Variants in ZNF138 observed in about 807,000 individuals in gnomAD.
ZNF138 encodes zinc finger protein 138 (clone pHZ-32).
ZNF138 carries 33 observed loss-of-function variants against 33.0 expected under a neutral mutation model. The observed-to-expected ratio is 1.00, with a 90% CI of 0.76 to 1.34. The LOEUF is 1.34. ZNF138 is among the 40% of genes most tolerant of loss of function. The pLI, the probability that ZNF138 is intolerant of heterozygous loss-of-function variation, is 0.00. For synonymous variants in ZNF138, 139 were observed against 120.4 expected, an observed-to-expected ratio of 1.15 and a Z score of -1.01; for missense variants, 360 against 370.8, an observed-to-expected ratio of 0.97 and a Z score of 0.24.
At chr7:64,818,075 C>G (rs1223107945) in intron 3 of ZNF138, among the ~76,000 whole-genome samples, 1 of 31,054 alleles carries the variant, frequency 3.2e-5, no homozygotes, top group African/African-American at 1.0e-4. Context: ...TTACTGCAAC[C>G]TCTGTCTCCC....
chr7:64,847,334 T>TATATATATATATATATATATA, the ZNF138 span, among the ~76,000 whole-genome samples: 2 of 93,606 alleles, frequency 2.1e-5, no homozygotes, highest in African/African-American at 8.8e-5. Context: ...ATATATATAT[T>TATATATATATATATATATATA]TTTTTTTTTT....
At chr7:64,810,319 A>C (rs1323389316) in intron 1 of ZNF138, among the ~76,000 whole-genome samples, 1 of 146,238 alleles carries the variant, frequency 6.8e-6, no homozygotes, top group Non-Finnish European at 1.5e-5. Context: ...TGGTGGCGCG[A>C]GCCTGCAATC....
chr7:64,821,785 T>G (rs886773569), intron 3 of ZNF138, among the ~76,000 whole-genome samples: 2 of 151,590 alleles, frequency 1.3e-5, no homozygotes, highest in African/African-American at 4.9e-5. Context: ...GACCTCGTGA[T>G]CCTCCTGCCT....
chr7:64,794,464 C>T lies in ZNF138; in HGVS notation c.-105C>T, dbSNP rs997627946. 2.6e-6 allele frequency: 4 copies of T among 1,565,800 alleles called. No homozygotes were observed. The highest frequency in any genetic ancestry group is 3.5e-6 in the Non-Finnish European group (4 of 1,142,040). ...GCGGGTGCTGCAGGTCTGGCCTTCA[C>T]TTTTCTGCGTCCTCTTACTCCTAGA... is the stretch of plus-strand genomic sequence containing the variant. On this transcript the variant is annotated 5_prime_UTR_variant, in exon 1 of 4. Coordinates refer to ENST00000307355, the MANE Select transcript of ZNF138 (RefSeq NM_001271639.2).
chr7:64,830,852 GA>G, intron 3 of ZNF138: 1 of 1,396,724 alleles, frequency 7.2e-7, no homozygotes, highest in Non-Finnish European at 9.4e-7. Context: ...TGTCAGGTCT[GA>G]AATTTTTTAG....
chr7:64,854,047 A>T, the ZNF138 span, among the ~76,000 whole-genome samples: 2 of 146,986 alleles, frequency 1.4e-5, no homozygotes, highest in African/African-American at 2.5e-5. Flanking sequence ...AAAAAAAAAA[A>T]TAATTATTTT....
At chr7:64,794,777 C>T (rs1191798607) in intron 1 of ZNF138, among the ~76,000 whole-genome samples, 1 of 152,174 alleles carries the variant, frequency 6.6e-6, no homozygotes, top group Non-Finnish European at 1.5e-5. Flanking sequence ...CTGTCTCCTC[C>T]CTGCGCAGTG....
downstream of ZNF138, among the ~76,000 whole-genome samples, chr7:64,838,591 T>A (rs572137697): frequency 2.0e-5 from 3 of 152,246 alleles, no homozygotes; most frequent in South Asian, 6.2e-4. Flanking sequence ...AGCCGCCTCC[T>A]CTCGGGAATT....
chr7:64,859,757 A>C, the ZNF138 span, among the ~76,000 whole-genome samples: 1 of 152,236 alleles, frequency 6.6e-6, no homozygotes, highest in Admixed American at 6.5e-5. Flanking sequence ...GATAGCATTT[A>C]GTTCCAATCA....
intron 1 of ZNF138, among the ~76,000 whole-genome samples, chr7:64,813,302 C>T (rs1788329661): frequency 6.6e-6 from 1 of 152,040 alleles, no homozygotes; most frequent in Non-Finnish European, 1.5e-5. Context: ...GAATGGCACT[C>T]GTTACCCAGA....
the ZNF138 span, among the ~76,000 whole-genome samples, chr7:64,843,261 G>A: frequency 6.6e-6 from 1 of 152,188 alleles, no homozygotes; most frequent in Non-Finnish European, 1.5e-5. Context: ...ATTGTGAAGA[G>A]TGTTGTAAAA....
chr7:64,833,837 G>A (rs1790283737), downstream of ZNF138, among the ~76,000 whole-genome samples: 1 of 152,108 alleles, frequency 6.6e-6, no homozygotes, highest in African/African-American at 2.4e-5. Context: ...CAATTCTCCT[G>A]CCTGGGCCTC....
chr7:64,825,154 CTTTTTTTTTTTTTTTTTTTTT>C (rs71061316), intron 3 of ZNF138, among the ~76,000 whole-genome samples: 22 of 46,020 alleles, frequency 4.8e-4, no homozygotes, highest in South Asian at 1.0e-3. Flanking sequence ...GTTGTATGCT[CTTTTTTTTTTTTTTTTTTTTT>C]TTTTTTTTTT....
intron 1 of ZNF138, among the ~76,000 whole-genome samples, chr7:64,807,373 CAA>C (rs1787689550): frequency 6.6e-6 from 1 of 152,232 alleles, no homozygotes; most frequent in South Asian, 2.1e-4. Flanking sequence ...TGCTGCTAAT[CAA>C]AGCGCAGATT....
Position 64,832,489 on chromosome 7 carries a change from A to G in ZNF138, c.*287A>G. On this transcript the variant is annotated 3_prime_UTR_variant, in exon 4 of 4. Coordinates refer to ENST00000307355, the MANE Select transcript of ZNF138 (RefSeq NM_001271639.2). Reference sequence around the variant, plus strand: ...ACACATAAGAAAATTCATACTGGGGAGAAACCCCACAAATGTGGAGAATGC... The same window carrying G: ...ACACATAAGAAAATTCATACTGGGGGGAAACCCCACAAATGTGGAGAATGC... The G allele has an allele frequency of 8.9e-7, 1 of 1,125,712 alleles. No homozygotes were observed. The highest frequency in any genetic ancestry group is 1.6e-5 in the African/African-American group (1 of 63,732). The allele number at this position is 1,125,712 out of a possible 1,614,324, so 69.7% of individuals were successfully genotyped here. A position where few individuals can be genotyped will look rare whatever the true frequency, so the allele number is the denominator to read the frequency against.
chr7:64,849,027 T>G, the ZNF138 span, among the ~76,000 whole-genome samples: 3 of 152,150 alleles, frequency 2.0e-5, no homozygotes, highest in Admixed American at 6.5e-5. Context: ...AAGAACTTTG[T>G]TTTGTCATAC....
intron 1 of ZNF138, among the ~76,000 whole-genome samples, chr7:64,806,019 T>C (rs1440237654): frequency 6.6e-6 from 1 of 152,238 alleles, no homozygotes; most frequent in Non-Finnish European, 1.5e-5. Flanking sequence ...TTGAATTGTG[T>C]AATAAAACAG....
chr7:64,797,316 C>T (rs1786767553), intron 1 of ZNF138, among the ~76,000 whole-genome samples: 1 of 152,050 alleles, frequency 6.6e-6, no homozygotes, highest in Non-Finnish European at 1.5e-5. Flanking sequence ...AATTATTTAT[C>T]GTTTTAAAAG....
chr7:64,832,789 C>A lies in ZNF138; in HGVS notation c.*587C>A. On this transcript the variant is annotated 3_prime_UTR_variant, in exon 4 of 4. Coordinates refer to ENST00000307355, the MANE Select transcript of ZNF138 (RefSeq NM_001271639.2). ...TGTGGCAAAGGTTTTAGCCAACTCT[C>A]AAACCTTACTAAACACAAGAAGATT... 4.5e-6 allele frequency: 2 copies of A among 448,262 alleles called. No homozygotes were observed. The highest frequency in any genetic ancestry group is 1.8e-5 in the South Asian group (1 of 57,056). 27.8% of individuals were successfully genotyped at this position (448,262 alleles called of 1,614,324 possible). A position where few individuals can be genotyped will look rare whatever the true frequency, so the allele number is the denominator to read the frequency against.
Sources: gnomAD v4.1 joint callset for allele counts (sites outside exome capture counted in the v4.1 genomes callset) on GRCh38, gnomAD v4.1.1 for gene constraint, MANE v1.5 for transcripts, NCBI Gene and HGNC (gene_info 2026-07-23, HGNC 2026-07-21) for gene names.